Variants in TNFAIP3 observed in about 807,000 individuals in gnomAD.
TNFAIP3 encodes the protein TNF alpha induced protein 3.
Under a neutral mutation model 72.4 loss-of-function variants are expected in TNFAIP3, and 9 were observed. The ratio of observed to expected loss-of-function variants is 0.12; its 90% CI spans 0.07 to 0.22. TNFAIP3 has a LOEUF of 0.22. TNFAIP3 is among the 10% of genes least tolerant of loss of function. The pLI is 1.00. For missense variants in TNFAIP3, 833 were observed against 1,018.7 expected (o/e 0.82, Z 2.48); for synonymous variants, 339 against 372.6 (o/e 0.91, Z 1.04).
chr6:137,872,865 G>C (rs530983839), intron 2 of TNFAIP3, among the ~76,000 whole-genome samples: 9 of 152,082 alleles, frequency 5.9e-5, no homozygotes, highest in African/African-American at 1.9e-4. Context: ...TGGAAACAAA[G>C]ATTCTGCTGA....
At position 137,880,167 on chromosome 6, in the gene TNFAIP3, C is replaced by A. The variant is rs773988691; in HGVS notation, c.2003C>A (p.Thr668Asn). 26 of 1,614,106 alleles carry A rather than the reference C, an allele frequency of 1.6e-5. No individual in the cohort carries two copies. The highest frequency in any genetic ancestry group is 4.4e-5 in the South Asian group (4 of 91,070). ...LGRECGTLGS[T>N]MFEGYCQKCF... The stretch of plus-strand genomic sequence containing the variant: ...AGGGAATGCGGCACCCTTGGAAGCA[C>A]CATGTTTGAAGGATACTGCCAGAAG... The change falls in exon 8 of 9, where the codon ACC becomes AAC. Residue 668 changes from threonine to asparagine, a missense_variant. By Grantham distance (65) the Thr-to-Asn change is moderately conservative. Around this residue, in one of 2 missense-constraint regions of TNFAIP3, gnomAD observed 587 missense variants for 657.8 expected, o/e 0.89. Transcript: ENST00000612899.
At chr6:137,874,346 T>C (rs1440066608) in intron 2 of TNFAIP3, among the ~76,000 whole-genome samples, 1 of 152,188 alleles carries the variant, frequency 6.6e-6, no homozygotes, top group Non-Finnish European at 1.5e-5. Context: ...CATTGAGTCA[T>C]AGCCAGACCA....
rs1775890763 is a variant in TNFAIP3 at position 137,867,835 on chromosome 6, C to T, written c.-16+293C>T. 6.6e-6 allele frequency: 1 copy of T among 152,480 alleles called. No individual in the cohort carries two copies. The highest frequency in any genetic ancestry group is 1.5e-5 in the Non-Finnish European group (1 of 68,090). The allele number at this position is 152,480 out of a possible 1,614,324, so 9.4% of individuals were successfully genotyped here. A position where few individuals can be genotyped will look rare whatever the true frequency, so the allele number is the denominator to read the frequency against. On this transcript the variant is annotated intron_variant, in intron 1 of 8. Coordinates refer to ENST00000612899, the MANE Select transcript of TNFAIP3 (RefSeq NM_001270508.2). The surrounding 1 kb of genome is among the most constrained non-coding windows in gnomAD (Gnocchi z 6.0). ...GACTGGTGAAGAGGCGCCCCTCGGG[C>T]CCTCCGATCGGGTGGTCGTTGGCGC...
chr6:137,881,184 G>T lies in TNFAIP3; in HGVS notation c.2238G>T (p.Gly746=). 6.2e-7 allele frequency: 1 copy of T among 1,613,694 alleles called. No homozygotes were observed. Among genetic ancestry groups the T allele is most frequent in the African/African-American group, 1.3e-5 (1 of 74,992 alleles). ...ATCCCAACCAGAGGATGGGCCCTGG[G>T]GCCCACCGGGGTGAGCCTGCCCCCG... The part of the protein sequence containing the change: ...CQHPNQRMGP[G]AHRGEPAPED... Residue 746 remains glycine (G), a synonymous_variant, in exon 9 of 9, where the codon GGG becomes GGT. Transcript: ENST00000612899. This position sits in a 1 kb window ranked among gnomAD's most constrained non-coding sequence, Gnocchi z 5.0.
chr6:137,883,203 A>T lies in TNFAIP3; in HGVS notation c.*1884A>T, dbSNP rs981904226. ...AAAGTATTTGAAATTTGCACATTTA[A>T]TTGTCCCTAATAGAAAGCCACCTAT... On this transcript the variant is annotated 3_prime_UTR_variant, in exon 9 of 9. Coordinates refer to ENST00000612899, the MANE Select transcript of TNFAIP3 (RefSeq NM_001270508.2). The T allele has an allele frequency of 1.0e-5, 2 of 198,562 alleles. No homozygotes were observed. 12.3% of individuals were successfully genotyped at this position (198,562 alleles called of 1,614,324 possible).
rs778390529 is a variant in TNFAIP3 at position 137,871,461 on chromosome 6, A to G, written c.234A>G (p.Glu78=). The change falls in exon 2 of 9, where the codon GAA becomes GAG. Residue 78 remains glutamate (E), a synonymous_variant. Transcript: ENST00000612899. The surrounding 1 kb of genome is among the most constrained non-coding windows in gnomAD (Gnocchi z 4.2). ...ACAGAAACATCCAGGCCACCCTGGA[A>G]AGCCAGAAGAAACTCAACTGGTGTC... ...LIDRNIQATL[E]SQKKLNWCRE... The G allele has an allele frequency of 1.9e-6, 3 of 1,614,194 alleles. No homozygotes were observed. The highest frequency in any genetic ancestry group is 2.2e-5 in the South Asian group (2 of 91,078).
intron 7 of TNFAIP3, 149 bp from the exon 8 acceptor site, chr6:137,879,922 A>G: frequency 1.7e-6 from 1 of 599,842 alleles, no homozygotes. Context: ...TGCTGAATTT[A>G]TAGACTTAAA....
At chr6:137,873,517 A>G (rs1562268815) in intron 2 of TNFAIP3, among the ~76,000 whole-genome samples, 1 of 152,252 alleles carries the variant, frequency 6.6e-6, no homozygotes, top group Non-Finnish European at 1.5e-5. Flanking sequence ...AACAAAAAGT[A>G]CAATAGCTGT....
At chr6:137,875,265 G>A (rs1483759726) in intron 3 of TNFAIP3, among the ~76,000 whole-genome samples, 1 of 152,190 alleles carries the variant, frequency 6.6e-6, no homozygotes, top group Admixed American at 6.5e-5. Flanking sequence ...CTGTAGCAGC[G>A]AGTCTTTTGA....
Position 137,882,877 on chromosome 6 carries a change from AAGG to A in TNFAIP3, c.*1562_*1564del, listed in dbSNP as rs1776508564. 4.4e-6 allele frequency: 1 copy of A among 227,652 alleles called. No homozygotes were observed. The highest frequency in any genetic ancestry group is 2.2e-5 in the African/African-American group (1 of 44,944). 14.1% of individuals were successfully genotyped at this position (227,652 alleles called of 1,614,324 possible). On this transcript the variant is annotated 3_prime_UTR_variant, in exon 9 of 9. Coordinates refer to ENST00000612899, the MANE Select transcript of TNFAIP3 (RefSeq NM_001270508.2). Reference sequence around the variant, plus strand: ...TATTTGCTCTAGAAGAAAAAAAAAAAAGGAGGGGAAATGCATTTTCCCCAGAGA... The same window carrying A: ...TATTTGCTCTAGAAGAAAAAAAAAAAAGGGGAAATGCATTTTCCCCAGAGA...
At position 137,875,677 on chromosome 6, in the gene TNFAIP3, G is replaced by T. The variant is rs753940311; in HGVS notation, c.487-11G>T. The T allele has an allele frequency of 1.9e-6, 3 of 1,607,492 alleles. No individual in the cohort carries two copies. Among genetic ancestry groups the T allele is most frequent in the Admixed American group, 1.7e-5 (1 of 58,214 alleles). ...TACATTCAAGCTTTTTTTTCACCCC[G>T]CTCCCCTTAGAACTGGAATGATGAA... On this transcript the variant is annotated splice_polypyrimidine_tract_variant and intron_variant, in intron 3 of 8. Coordinates refer to ENST00000612899, the MANE Select transcript of TNFAIP3 (RefSeq NM_001270508.2).
rs773116734 is a variant in TNFAIP3, at chr6:137,879,309, GGCTTTT to G, written c.1867_1872del (p.Phe623_Cys624del). On this transcript the variant is annotated inframe_deletion, in exon 7 of 9. Coordinates refer to ENST00000612899, the MANE Select transcript of TNFAIP3 (RefSeq NM_001270508.2). ...GTATTTTGGGACTCCAGAAAACAAG[GGCTTTT>G]GCACACTGTGTTTCATCGAGTACAG... 2 of 1,614,176 alleles carry G rather than the reference GGCTTTT, an allele frequency of 1.2e-6. No homozygotes were observed. Among genetic ancestry groups the G allele is most frequent in the Non-Finnish European group, 1.7e-6 (2 of 1,180,040 alleles).
In TNFAIP3 at chr6:137,878,732, G is replaced by A. The variant is rs745476917; in HGVS notation, c.1287G>A (p.Gly429=). 4 of 1,613,978 alleles carry A rather than the reference G, an allele frequency of 2.5e-6. No individual in the cohort carries two copies. Among genetic ancestry groups the A allele is most frequent in the Non-Finnish European group, 3.4e-6 (4 of 1,180,034 alleles). The change falls in exon 7 of 9, where the codon GGG becomes GGA. Residue 429 remains glycine, a synonymous_variant. Transcript: ENST00000612899. ...PKLNSKPGPE[G]LPGMALGASR... Reference sequence around the variant, plus strand: ...TGAACTCCAAGCCGGGCCCTGAGGGGCTCCCTGGCATGGCGCTCGGGGCCT... The same window carrying A: ...TGAACTCCAAGCCGGGCCCTGAGGGACTCCCTGGCATGGCGCTCGGGGCCT...
chr6:137,866,765 A>C (rs1428045753), upstream of TNFAIP3: 2 of 152,372 alleles, frequency 1.3e-5, 1 homozygote, highest in South Asian at 4.1e-4. Flanking sequence ...GCACAGCCCA[A>C]ACTTTTCAGA....
chr6:137,878,100 G>T (rs1481758282), intron 6 of TNFAIP3, among the ~76,000 whole-genome samples: 1 of 152,194 alleles, frequency 6.6e-6, no homozygotes, highest in Non-Finnish European at 1.5e-5. Context: ...CTGAGAAATT[G>T]GAAAGTCAAC....
At chr6:137,866,458 G>A (rs940820526), upstream of TNFAIP3, 1 of 152,456 alleles carries the variant, frequency 6.6e-6, no homozygotes, top group Non-Finnish European at 1.5e-5. Context: ...GACTAGAAGC[G>A]ATTTCTAAGC....
At chr6:137,868,625 G>A (rs568396571) in intron 1 of TNFAIP3, among the ~76,000 whole-genome samples, 22 of 151,932 alleles carry the variant, frequency 1.4e-4, no homozygotes, top group African/African-American at 5.1e-4. Context: ...TTTGAGTAAC[G>A]GAGAAGTTCT....
Position 137,877,252 on chromosome 6 carries a change from G to A in TNFAIP3, c.982G>A (p.Ala328Thr), listed in dbSNP as rs751123351. The change falls in exon 6 of 9, where the codon GCA (alanine) becomes ACA (threonine). Residue 328 changes from alanine to threonine, a missense_variant. Coordinates refer to ENST00000612899, the MANE Select transcript of TNFAIP3 (RefSeq NM_001270508.2). ...DHGTTHLINA[A>T]KLDEANLPKE... The stretch of plus-strand genomic sequence containing the variant: ...TGGCACAACTCATCTCATCAATGCC[G>A]CAAAGTAAGCAGTTTATGTTCAGCT... 10 of 1,603,114 alleles carry A rather than the reference G, an allele frequency of 6.2e-6. No individual in the cohort carries two copies. The highest frequency in any genetic ancestry group is 3.4e-5 in the Admixed American group (2 of 57,988).
chr6:137,880,150 C>G lies in TNFAIP3; in HGVS notation c.1986C>G (p.Cys662Trp). The part of the protein sequence containing the change: ...QNTIPCLGRE[C>W]GTLGSTMFEG... ...CCATTCCGTGCCTGGGGAGGGAATG[C>G]GGCACCCTTGGAAGCACCATGTTTG... The change falls in exon 8 of 9, where the codon TGC (cysteine) becomes TGG (tryptophan). Residue 662 changes from cysteine (C) to tryptophan (W), a missense_variant. Around this residue, in one of 2 missense-constraint regions of TNFAIP3, gnomAD observed 587 missense variants for 657.8 expected, o/e 0.89. Transcript: ENST00000612899. 1 of 1,614,094 alleles carries G rather than the reference C, an allele frequency of 6.2e-7. No individual in the cohort carries two copies. Among genetic ancestry groups the G allele is most frequent in the Non-Finnish European group, 8.5e-7 (1 of 1,180,006 alleles).
Sources: allele counts gnomAD v4.1 joint callset (sites outside exome capture counted in the v4.1 genomes callset), GRCh38; gene constraint gnomAD v4.1.1; regional missense constraint gnomAD v4.1.1; non-coding constraint Gnocchi (gnomAD v3.1); transcripts MANE v1.5; gene names NCBI Gene and HGNC (gene_info 2026-07-23, HGNC 2026-07-21).